Variants in ZNF600 observed in about 807,000 individuals in gnomAD.
ZNF600 encodes zinc finger protein 600, also known as zinc finger protein KR-ZNF1.
In ZNF600, 4 loss-of-function variants were observed where a neutral mutation model predicts 7.3. The ratio of observed to expected loss-of-function variants is 0.55; its 90% confidence interval spans 0.27 to 1.25. The LOEUF (loss-of-function observed/expected upper bound fraction) is 1.25. Among genes scored for constraint, ZNF600 ranks in the 50% most tolerant of loss-of-function variants. ZNF600 has a pLI of 0.12. For missense variants in ZNF600, 911 were observed against 922.1 expected, an observed-to-expected ratio of 0.99 and a Z score of 0.16; for synonymous variants, 290 against 308.9, an observed-to-expected ratio of 0.94 and a Z score of 0.64.
the ZNF600 span, among the ~76,000 whole-genome samples, chr19:52,812,749 C>A: frequency 1.0e-3 from 101 of 100,664 alleles, no homozygotes; most frequent in African/African-American, 4.3e-3. Flanking sequence ...GAGAAACACC[C>A]AAGAATGATC....
At chr19:52,772,762 T>C (rs112587676) in intron 3 of ZNF600, among the ~76,000 whole-genome samples, 14,941 of 152,066 alleles carry the variant, frequency 0.098, 2,315 homozygotes, top group African/African-American at 0.33. Flanking sequence ...AAGGATCCCA[T>C]GACATGTTCT....
the ZNF600 span, chr19:52,799,292 T>C: frequency 9.8e-6 from 4 of 409,868 alleles, no homozygotes; most frequent in South Asian, 2.6e-5. Flanking sequence ...CAGTTTGAAT[T>C]CTAATATGTT....
At chr19:52,767,625 A>G (rs1238559174) in exon 4 of ZNF600, 7 of 1,614,034 alleles carry the variant, frequency 4.3e-6, no homozygotes, top group Admixed American at 3.3e-5. Flanking sequence ...CTGAAACTCA[A>G]TATCATGAAT....
chr19:52,767,522 A>G (rs745390774), exon 4 of ZNF600: 1 of 1,614,168 alleles, frequency 6.2e-7, no homozygotes, highest in Non-Finnish European at 8.5e-7. Flanking sequence ...GCTTGTTTCC[A>G]GCATGCCTGT....
chr19:52,830,042 A>G, the ZNF600 span, among the ~76,000 whole-genome samples: 73 of 151,706 alleles, frequency 4.8e-4, 1 homozygote, highest in South Asian at 0.013. Context: ...GGAAGACCGC[A>G]GTGGGTGGAT....
At chr19:52,792,103 G>C in the ZNF600 span, among the ~76,000 whole-genome samples, 3 of 152,212 alleles carry the variant, frequency 2.0e-5, no homozygotes, top group African/African-American at 7.2e-5. Flanking sequence ...AGCCAGGGTT[G>C]AGCTCCACTC....
chr19:52,800,726 A>G, the ZNF600 span: 4,778 of 1,613,420 alleles, frequency 3.0e-3, 137 homozygotes, highest in African/African-American at 0.057. Context: ...GAAGCCTACG[A>G]TGGCGTGCAA....
At chr19:52,768,823 T>TTA (rs1159971484) in intron 3 of ZNF600, among the ~76,000 whole-genome samples, 11 of 152,088 alleles carry the variant, frequency 7.2e-5, no homozygotes, top group African/African-American at 2.6e-4. Flanking sequence ...ATAACAAGAG[T>TTA]TATACTAGAT....
chr19:52,785,669 C>T (rs924965086), intron 1 of ZNF600, among the ~76,000 whole-genome samples: 1 of 152,046 alleles, frequency 6.6e-6, no homozygotes, highest in Non-Finnish European at 1.5e-5. Flanking sequence ...TTCTCTCTTC[C>T]CTGTTATACC....
the ZNF600 span, chr19:52,799,398 G>A: frequency 1.6e-6 from 1 of 634,930 alleles, no homozygotes; most frequent in East Asian, 2.8e-5. Flanking sequence ...TTCAAGGTTT[G>A]ATTTGCAACC....
chr19:52,784,042 T>G (rs12972723), intron 1 of ZNF600, among the ~76,000 whole-genome samples: 73,653 of 151,780 alleles, frequency 0.49, 18,820 homozygotes, highest in Non-Finnish European at 0.57. Context: ...GCCAGTGCAC[T>G]CCAGCTTGGG....
the ZNF600 span, chr19:52,800,530 A>G: frequency 6.2e-7 from 1 of 1,613,550 alleles, no homozygotes; most frequent in Non-Finnish European, 8.5e-7. Context: ...TTACACTTGT[A>G]AGGCTTCTCT....
At chr19:52,811,116 GC>G in the ZNF600 span, among the ~76,000 whole-genome samples, 1 of 150,250 alleles carries the variant, frequency 6.7e-6, no homozygotes, top group East Asian at 2.0e-4. Flanking sequence ...CTGGTCTCCA[GC>G]TCCTAACCAC....
the ZNF600 span, among the ~76,000 whole-genome samples, chr19:52,829,213 A>ATTT: frequency 2.2e-5 from 1 of 45,396 alleles, no homozygotes; most frequent in Non-Finnish European, 8.1e-5. Context: ...ATTTTATTTT[A>ATTT]TTTTATTTTA....
chr19:52,789,798 C>T (rs1336128584), upstream of ZNF600, among the ~76,000 whole-genome samples: 1 of 152,170 alleles, frequency 6.6e-6, no homozygotes. Flanking sequence ...GAAGAGACCA[C>T]CAAACAGCCT....
chr19:52,786,620 G>A (rs4802996), exon 1 of ZNF600: 5 of 189,320 alleles, frequency 2.6e-5, no homozygotes, highest in Admixed American at 2.4e-4. Context: ...TGCTCTGGGT[G>A]AAGGGAAGAC....
the ZNF600 span, chr19:52,810,584 T>G: frequency 1.3e-6 from 2 of 1,587,758 alleles, no homozygotes. Context: ...ACGAGCCCGC[T>G]ACCGCGCCCG....
At chr19:52,808,209 A>G in the ZNF600 span, 2 of 1,587,112 alleles carry the variant, frequency 1.3e-6, no homozygotes. Flanking sequence ...AGAGAGGGGG[A>G]AAGCATGGAT....
chr19:52,788,280 C>T (rs1352760994), upstream of ZNF600, among the ~76,000 whole-genome samples: 1 of 152,130 alleles, frequency 6.6e-6, no homozygotes, highest in African/African-American at 2.4e-5. Flanking sequence ...TACTACAATA[C>T]CTGGCATTTC....
Sources: gnomAD v4.1 joint callset for allele counts (sites outside exome capture counted in the v4.1 genomes callset) on GRCh38, gnomAD v4.1.1 for gene constraint, MANE v1.5 for transcripts, NCBI Gene and HGNC (gene_info 2026-07-23, HGNC 2026-07-21) for gene names.